The following ESR1 variants were observed in gnomAD, a reference collection of about 807,000 sequenced individuals.
The protein encoded by ESR1 is estrogen receptor 1.
A neutral mutation model predicts 52.7 loss-of-function variants in ESR1; 12 were observed. The ratio of observed to expected loss-of-function variants is 0.23; its 90% CI spans 0.15 to 0.37. The LOEUF (loss-of-function observed/expected upper bound fraction) is 0.37, where lower values mean the gene tolerates loss of function less well. ESR1 is among the 10% of genes least tolerant of loss of function. The pLI, the probability that ESR1 is intolerant of heterozygous loss-of-function variation, is 1.00. For synonymous variants in ESR1, 305 were observed against 316.8 expected (o/e 0.96, Z 0.39); for missense variants, 584 against 779.7 (o/e 0.75, Z 2.99).
chr6:151,837,616 C>CA (rs1472040999), intron 1 of ESR1, among the ~76,000 whole-genome samples: 1 of 152,136 alleles, frequency 6.6e-6, no homozygotes, highest in Non-Finnish European at 1.5e-5. Flanking sequence ...AATGCATTGT[C>CA]ATAGATGCGT....
At chr6:151,970,403 A>G (rs1389259594) in intron 4 of ESR1, among the ~76,000 whole-genome samples, 1 of 152,074 alleles carries the variant, frequency 6.6e-6, no homozygotes, top group African/African-American at 2.4e-5. Context: ...TTTTATGGAA[A>G]CAGACAAAAA....
chr6:151,851,049 C>T (rs1786602101), intron 2 of ESR1, among the ~76,000 whole-genome samples: 1 of 152,156 alleles, frequency 6.6e-6, no homozygotes, highest in Non-Finnish European at 1.5e-5. Context: ...ACCTCCATAG[C>T]CCATGGAATG....
intron 1 of ESR1, among the ~76,000 whole-genome samples, chr6:151,830,550 T>G (rs1351246068): frequency 6.6e-6 from 1 of 152,208 alleles, no homozygotes; most frequent in African/African-American, 2.4e-5. Flanking sequence ...TCCATATGCC[T>G]TCTTTCTTGT....
At chr6:151,962,835 A>G (rs1170088663) in intron 4 of ESR1, among the ~76,000 whole-genome samples, 4 of 152,104 alleles carry the variant, frequency 2.6e-5, no homozygotes, top group Non-Finnish European at 4.4e-5. Flanking sequence ...TTGTCTTCCA[A>G]TTGTTCTAAT....
rs2128234327 is a variant in ESR1, at chr6:151,842,644, G to C, written c.500G>C (p.Ser167Thr). 1 of 1,613,884 alleles carries C rather than the reference G, an allele frequency of 6.2e-7. No homozygotes were observed. The highest frequency in any genetic ancestry group is 8.5e-7 in the Non-Finnish European group (1 of 1,179,918). ...RRQGGRERLA[S>T]TNDKGSMAME... ...CAGGGTGGCAGAGAAAGATTGGCCA[G>C]TACCAATGACAAGGGAAGTATGGCT... The change falls in exon 2 of 8, where the codon AGT becomes ACT. Residue 167 changes from serine to threonine, a missense_variant. Around this residue, in one of 6 missense-constraint regions of ESR1, gnomAD observed 251 missense variants for 246.1 expected, o/e 1.02. Coordinates refer to ENST00000206249, the MANE Select transcript of ESR1 (RefSeq NM_000125.4).
intron 5 of ESR1, among the ~76,000 whole-genome samples, chr6:152,023,882 A>C (rs1244427453): frequency 6.6e-6 from 1 of 152,182 alleles, no homozygotes; most frequent in African/African-American, 2.4e-5. Flanking sequence ...TAGCCTGCTT[A>C]CCAAATACGA....
intron 6 of ESR1, among the ~76,000 whole-genome samples, chr6:152,089,679 A>G (rs2050023717): frequency 6.6e-6 from 1 of 152,112 alleles, no homozygotes; most frequent in South Asian, 2.1e-4. Flanking sequence ...CCCAGGTCCA[A>G]GTGATTCTCC....
intron 3 of ESR1, among the ~76,000 whole-genome samples, chr6:151,931,163 T>C (rs2033542374): frequency 1.3e-5 from 2 of 152,210 alleles, no homozygotes; most frequent in Non-Finnish European, 2.9e-5. Flanking sequence ...TTTTTTTCTT[T>C]CTGGTATTCC....
At chr6:152,118,891 T>G (rs754052218) in intron 6 of ESR1, among the ~76,000 whole-genome samples, 5 of 152,166 alleles carry the variant, frequency 3.3e-5, no homozygotes, top group Non-Finnish European at 5.9e-5. Flanking sequence ...TTCAGTGAAC[T>G]ACTTGAGAGA....
upstream of ESR1, among the ~76,000 whole-genome samples, chr6:151,803,496 A>G (rs1476452274): frequency 6.6e-6 from 1 of 152,130 alleles, no homozygotes; most frequent in Non-Finnish European, 1.5e-5. Context: ...ATGGACTAGG[A>G]AGGATCGTTA....
At chr6:151,850,653 C>T (rs551471363) in intron 2 of ESR1, among the ~76,000 whole-genome samples, 1 of 152,238 alleles carries the variant, frequency 6.6e-6, no homozygotes, top group East Asian at 1.9e-4. Context: ...GTGTTTCCCT[C>T]TGCCACCAGC....
At chr6:151,684,424 C>T (rs946778772) in intron 1 of ESR1, among the ~76,000 whole-genome samples, 1 of 152,094 alleles carries the variant, frequency 6.6e-6, no homozygotes, top group African/African-American at 2.4e-5. Context: ...GATGATTAAT[C>T]GGGAACATAA....
chr6:151,990,894 T>C (rs1026296747), intron 4 of ESR1, among the ~76,000 whole-genome samples: 3 of 152,146 alleles, frequency 2.0e-5, no homozygotes, highest in Non-Finnish European at 4.4e-5. Context: ...ATTATATATA[T>C]GGGAATAGAT....
chr6:151,869,089 C>G (rs1463478855), intron 2 of ESR1, among the ~76,000 whole-genome samples: 2 of 32,942 alleles, frequency 6.1e-5, no homozygotes, highest in East Asian at 1.0e-3. Context: ...TAAGCACAGT[C>G]CTGTTCAGGG....
intron 3 of ESR1, among the ~76,000 whole-genome samples, chr6:151,899,539 C>G (rs1250756767): frequency 2.8e-4 from 41 of 148,728 alleles, no homozygotes; most frequent in African/African-American, 9.9e-4. Context: ...ACCCCCCCAC[C>G]TCCCTCCCGG....
In ESR1 at chr6:151,762,168, A is replaced by G. The variant is rs56215851; in HGVS notation, c.-70-45675A>G. On this transcript the variant is annotated intron_variant, in intron 2 of 2. Transcript: ENST00000404742. Reference sequence around the variant, plus strand: ...TAACACCGCTTTCAGGTGAAAAAGAACTATCATTCTAACTTAAATGAAGGA... The same window carrying G: ...TAACACCGCTTTCAGGTGAAAAAGAGCTATCATTCTAACTTAAATGAAGGA... Among the ~76,000 whole-genome samples the G allele has an allele frequency of 7.9e-3, 1,200 of 152,328 alleles. 17 individuals carry two copies. Among genetic ancestry groups the G allele is most frequent in the African/African-American group, 0.028 (1,155 of 41,562 alleles).
chr6:152,021,753 C>T (rs1258413825), intron 5 of ESR1, among the ~76,000 whole-genome samples: 1 of 152,080 alleles, frequency 6.6e-6, no homozygotes, highest in Non-Finnish European at 1.5e-5. Context: ...GGGAGGGACC[C>T]GGTGGGAGGT....
intron 5 of ESR1, among the ~76,000 whole-genome samples, chr6:152,044,676 G>A (rs1298786178): frequency 6.6e-6 from 1 of 152,200 alleles, no homozygotes; most frequent in African/African-American, 2.4e-5. Context: ...TCGAGGCCAG[G>A]AAGCATCCAG....
intron 6 of ESR1, among the ~76,000 whole-genome samples, chr6:152,062,571 G>A (rs9341022): frequency 2.4e-3 from 372 of 152,230 alleles, no homozygotes; most frequent in African/African-American, 8.5e-3. Context: ...CATTTCAGTC[G>A]TTTGTCCTGT....
Sources: allele counts gnomAD v4.1 joint callset (sites outside exome capture counted in the v4.1 genomes callset), GRCh38; gene constraint gnomAD v4.1.1; regional missense constraint gnomAD v4.1.1; transcripts MANE v1.5; gene names NCBI Gene and HGNC (gene_info 2026-07-23, HGNC 2026-07-21).